PIGG: variants seen among roughly 807,000 people sequenced by gnomAD.
PIGG encodes GPI ethanolamine phosphate transferase 2, catalytic subunit.
Under a neutral mutation model 83.2 loss-of-function variants are expected in PIGG, and 70 were observed. The ratio of observed to expected loss-of-function variants is 0.84; its 90% CI spans 0.69 to 1.03. The LOEUF (loss-of-function observed/expected upper bound fraction) is 1.03. Among genes scored for constraint, PIGG ranks in the 50% least tolerant of loss-of-function variants. PIGG has a pLI of 0.00. For synonymous variants in PIGG, 532 were observed against 519.5 expected, an observed-to-expected ratio of 1.02 and a Z score of -0.33; for missense variants, 1,257 against 1,233.6, an observed-to-expected ratio of 1.02 and a Z score of -0.28.
intron 6 of PIGG, among the ~76,000 whole-genome samples, chr4:518,161 T>C (rs946440843): frequency 1.3e-5 from 2 of 152,338 alleles, no homozygotes; most frequent in African/African-American, 4.8e-5. Flanking sequence ...ACTTTGGCCA[T>C]GGAGCCATTT....
At position 516,175 on chromosome 4, in the gene PIGG, A is replaced by T. The variant is rs1467377825; in HGVS notation, c.1104A>T (p.Ser368=). 6.2e-7 allele frequency: 1 copy of T among 1,612,736 alleles called. No homozygotes were observed. The highest frequency in any genetic ancestry group is 8.5e-7 in the Non-Finnish European group (1 of 1,178,674). ...LSKLLQENVP[S]YEKDPGFEQF... The stretch of plus-strand genomic sequence containing the variant: ...AACTGTTGCAAGAGAATGTGCCGTC[A>T]TATGAAAAAGGTCAGTCAACTCACC... The change falls in exon 6 of 13, where the codon TCA becomes TCT. Residue 368 remains serine (S), a synonymous_variant. Coordinates refer to ENST00000453061, the MANE Select transcript of PIGG (RefSeq NM_001127178.3).
intron 6 of PIGG, among the ~76,000 whole-genome samples, chr4:517,270 G>A (rs1350341332): frequency 1.3e-5 from 2 of 152,168 alleles, no homozygotes; most frequent in African/African-American, 4.8e-5. Context: ...TCTGTGAGAG[G>A]TGAGGGTGGC....
intron 5 of PIGG, among the ~76,000 whole-genome samples, chr4:510,453 C>T (rs767494237): frequency 6.6e-6 from 1 of 152,230 alleles, no homozygotes; most frequent in Non-Finnish European, 1.5e-5. Context: ...CCAGCGTGGG[C>T]GTCATGGCCA....
chr4:521,580 G>T, intron 7 of PIGG, 80 bp from the exon 8 acceptor site: 2 of 1,348,798 alleles, frequency 1.5e-6, no homozygotes, highest in Non-Finnish European at 2.1e-6. Context: ...CAGCTGACAC[G>T]AGAGCGGGAG....
At chr4:501,252 A>G (rs1717617901) in intron 2 of PIGG, 2 of 421,822 alleles carry the variant, frequency 4.7e-6, no homozygotes, top group African/African-American at 4.1e-5. Context: ...TGGGGAAAAA[A>G]TAGTATCTCT....
intron 10 of PIGG, among the ~76,000 whole-genome samples, chr4:529,054 G>A (rs1229275015): frequency 6.6e-6 from 1 of 152,108 alleles, no homozygotes; most frequent in East Asian, 1.9e-4. Context: ...CCACTCAGAA[G>A]CCCAGGGATG....
chr4:538,589 G>A lies in PIGG; in HGVS notation c.2736-564G>A, dbSNP rs115809329. Reference sequence around the variant, plus strand: ...TCTGGGGGGTGCGTTTTTCAGAGCTGTTTTACAGATGACGGTGGCAGACAG... The same window carrying A: ...TCTGGGGGGTGCGTTTTTCAGAGCTATTTTACAGATGACGGTGGCAGACAG... On this transcript the variant is annotated intron_variant, in intron 12 of 12. Coordinates refer to ENST00000453061, the MANE Select transcript of PIGG (RefSeq NM_001127178.3). 7.9e-3 allele frequency among the ~76,000 whole-genome samples: 1,208 copies of A among 152,320 alleles called. 18 individuals are homozygous for A. The highest frequency in any genetic ancestry group is 0.027 in the African/African-American group (1,143 of 41,574).
chr4:516,082 A>C lies in PIGG; in HGVS notation c.1011A>C (p.Pro337=), dbSNP rs955058667. ...ACAGTGTAGGGAGCCTCCTATTCCC[A>C]GTTGTGGAAGGAAGACCAATGAGAG... ...PKDSVGSLLF[P]VVEGRPMREQ... Residue 337 remains proline (P), a synonymous_variant, in exon 6 of 13, where the codon CCA becomes CCC. Coordinates refer to ENST00000453061, the MANE Select transcript of PIGG (RefSeq NM_001127178.3). 1 of 1,613,606 alleles carries C rather than the reference A, an allele frequency of 6.2e-7. No individual in the cohort carries two copies. Among genetic ancestry groups the C allele is most frequent in the South Asian group, 1.1e-5 (1 of 91,056 alleles).
Position 505,666 on chromosome 4 carries a change from C to T in PIGG, c.361-52C>T. 6 of 1,245,060 alleles carry T rather than the reference C, an allele frequency of 4.8e-6. No homozygotes were observed. In the South Asian group the frequency reaches 5.1e-5, roughly 11 times the overall value. 77.1% of individuals were successfully genotyped at this position (1,245,060 alleles called of 1,614,324 possible). On this transcript the variant is annotated intron_variant, in intron 2 of 12. Coordinates refer to ENST00000453061, the MANE Select transcript of PIGG (RefSeq NM_001127178.3). Reference sequence around the variant, plus strand: ...AAAAAAAAATCTTCAGTGCCCTTTTCATGCTCCGGTTTTGGATTCAGTGGC... The same window carrying T: ...AAAAAAAAATCTTCAGTGCCCTTTTTATGCTCCGGTTTTGGATTCAGTGGC...
At chr4:507,257 T>C in intron 3 of PIGG, 148 bp from the exon 4 acceptor site, 1 of 628,108 alleles carries the variant, frequency 1.6e-6, no homozygotes. Flanking sequence ...TTATTTTTAA[T>C]GACATAGATT....
chr4:499,253 G>A lies in PIGG; in HGVS notation c.-83G>A. ...AGGCCTGGCGTTATTGCTTAGAGGC[G>A]GCTACCTGGAGCCGGAAGCGCGGCT... On this transcript the variant is annotated 5_prime_UTR_variant, in exon 1 of 13. Transcript: ENST00000453061. The A allele has an allele frequency of 6.8e-7, 1 of 1,471,210 alleles. No homozygotes were observed. The highest frequency in any genetic ancestry group is 9.2e-7 in the Non-Finnish European group (1 of 1,082,944). 91.1% of individuals were successfully genotyped at this position (1,471,210 alleles called of 1,614,324 possible). A position where few individuals can be genotyped will look rare whatever the true frequency, so the allele number is the denominator to read the frequency against.
chr4:508,714 A>G (rs941790503), intron 4 of PIGG, 115 bp from the exon 5 acceptor site: 5 of 890,324 alleles, frequency 5.6e-6, no homozygotes, highest in African/African-American at 1.7e-5. Context: ...AATCTAATTC[A>G]TTGAGAAAGA....
intron 10 of PIGG, 131 bp from the exon 11 acceptor site, chr4:530,305 G>A (rs940593459): frequency 3.6e-5 from 24 of 659,926 alleles, no homozygotes; most frequent in Middle Eastern, 8.1e-4. Flanking sequence ...GGAGGGTGCC[G>A]CGGCTCCTTT....
intron 12 of PIGG, among the ~76,000 whole-genome samples, chr4:538,651 G>C (rs189449517): frequency 6.6e-6 from 1 of 152,134 alleles, no homozygotes; most frequent in Non-Finnish European, 1.5e-5. Context: ...ATGTCCCCTC[G>C]GGCACCTCCG....
intron 2 of PIGG, among the ~76,000 whole-genome samples, chr4:504,156 G>A (rs934351408): frequency 4.7e-4 from 72 of 152,154 alleles, no homozygotes; most frequent in African/African-American, 1.7e-3. Flanking sequence ...CCCCGGGAGC[G>A]TGCGGCAACT....
intron 10 of PIGG, among the ~76,000 whole-genome samples, chr4:529,562 G>T (rs1166403607): frequency 6.6e-6 from 1 of 152,152 alleles, no homozygotes; most frequent in Admixed American, 6.5e-5. Flanking sequence ...CAGATTTGTA[G>T]GCTGTGTGAA....
At chr4:503,343 C>A (rs1215511063) in intron 2 of PIGG, among the ~76,000 whole-genome samples, 1 of 152,174 alleles carries the variant, frequency 6.6e-6, no homozygotes, top group East Asian at 1.9e-4. Flanking sequence ...CAGTAGTTTA[C>A]GCTCTGCCCA....
intron 10 of PIGG, among the ~76,000 whole-genome samples, chr4:529,129 G>A (rs1013809072): frequency 2.0e-5 from 3 of 152,178 alleles, no homozygotes; most frequent in African/African-American, 4.8e-5. Flanking sequence ...CCGGCCAGGG[G>A]AGGAGGAGGA....
At chr4:513,406 C>T (rs1184149831) in intron 5 of PIGG, among the ~76,000 whole-genome samples, 1 of 152,158 alleles carries the variant, frequency 6.6e-6, no homozygotes, top group Non-Finnish European at 1.5e-5. Flanking sequence ...CAGAGACCTT[C>T]AGCCCACCAC....
Sources: allele counts gnomAD v4.1 joint callset (sites outside exome capture counted in the v4.1 genomes callset), GRCh38; gene constraint gnomAD v4.1.1; transcripts MANE v1.5; gene names NCBI Gene and HGNC (gene_info 2026-07-23, HGNC 2026-07-21).